The following EPN2 variants were observed in gnomAD, a reference collection of about 807,000 sequenced individuals.
EPN2 encodes the protein epsin-2.
A neutral mutation model predicts 61.7 loss-of-function variants in EPN2; 34 were observed. That is an observed-to-expected ratio of 0.55 (90% CI 0.42 to 0.73). The LOEUF (loss-of-function observed/expected upper bound fraction) is 0.73. Among genes scored for constraint, EPN2 ranks in the 30% least tolerant of loss-of-function variants. The pLI is 0.00. For missense variants in EPN2, 714 were observed against 839.2 expected, an observed-to-expected ratio of 0.85 and a Z score of 1.84; for synonymous variants, 349 against 353.6, an observed-to-expected ratio of 0.99 and a Z score of 0.15.
intron 4 of EPN2, among the ~76,000 whole-genome samples, chr17:19,291,555 A>G (rs989412803): frequency 6.8e-6 from 1 of 146,066 alleles, no homozygotes; most frequent in Non-Finnish European, 1.5e-5. Context: ...CTCCTGCCTC[A>G]GCCTCCTGAG....
chr17:19,241,208 G>T (rs1260066797), intron 1 of EPN2, among the ~76,000 whole-genome samples: 1 of 152,212 alleles, frequency 6.6e-6, no homozygotes, highest in Non-Finnish European at 1.5e-5. Flanking sequence ...TGATTAAGGT[G>T]GTTGAGGATG....
chr17:19,302,283 C>T (rs548441268), intron 4 of EPN2, among the ~76,000 whole-genome samples: 9 of 152,342 alleles, frequency 5.9e-5, no homozygotes, highest in African/African-American at 1.4e-4. Context: ...CCCTGGGAGA[C>T]GGTTTCCCGT....
intron 7 of EPN2, among the ~76,000 whole-genome samples, chr17:19,319,763 T>G (rs1246368316): frequency 6.6e-6 from 1 of 152,156 alleles, no homozygotes; most frequent in Non-Finnish European, 1.5e-5. Flanking sequence ...TTCTCCTGCC[T>G]CAGCCTCCCA....
intron 9 of EPN2, 77 bp downstream of exon 9, chr17:19,329,724 C>G: frequency 1.2e-6 from 1 of 861,750 alleles, no homozygotes; most frequent in East Asian, 2.5e-5. Flanking sequence ...TAATAATCAG[C>G]TTTCAAAACC....
At chr17:19,305,129 T>G (rs1345983496) in intron 4 of EPN2, among the ~76,000 whole-genome samples, 4 of 151,738 alleles carry the variant, frequency 2.6e-5, no homozygotes, top group East Asian at 1.9e-4. Context: ...TTTTTTTTTT[T>G]TTTTTTTTTT....
At chr17:19,261,632 C>T (rs550587377) in intron 1 of EPN2, among the ~76,000 whole-genome samples, 13 of 152,142 alleles carry the variant, frequency 8.5e-5, no homozygotes, top group Non-Finnish European at 1.8e-4. Flanking sequence ...CTTTGGCTTC[C>T]TTCCAGGATT....
intron 1 of EPN2, among the ~76,000 whole-genome samples, chr17:19,269,635 A>T (rs953356226): frequency 4.6e-5 from 7 of 152,228 alleles, no homozygotes; most frequent in Non-Finnish European, 1.0e-4. Flanking sequence ...TCAAGGTAAA[A>T]GTTTCTTTGA....
chr17:19,290,156 T>G (rs868421239), intron 4 of EPN2, among the ~76,000 whole-genome samples: 4 of 152,018 alleles, frequency 2.6e-5, no homozygotes, highest in Admixed American at 2.6e-4. Flanking sequence ...CTCAGGACAG[T>G]TGTGTGTGGG....
At chr17:19,329,760 A>G (rs563521514) in intron 9 of EPN2, 113 bp downstream of exon 9, 2 of 665,782 alleles carry the variant, frequency 3.0e-6, no homozygotes, top group South Asian at 2.1e-5. Flanking sequence ...TTTTCTTTGT[A>G]TTTTGATCTT....
At chr17:19,320,491 G>C (rs1385695617) in intron 7 of EPN2, among the ~76,000 whole-genome samples, 4 of 152,184 alleles carry the variant, frequency 2.6e-5, no homozygotes, top group Non-Finnish European at 4.4e-5. Context: ...TGCACCCAGA[G>C]CTCAGTGTTT....
intron 1 of EPN2, among the ~76,000 whole-genome samples, chr17:19,277,128 C>T (rs368993077): frequency 1.8e-3 from 273 of 152,196 alleles, no homozygotes; most frequent in African/African-American, 6.3e-3. Flanking sequence ...TGCCCGGGCA[C>T]GGTGGCTCAC....
At position 19,335,607 on chromosome 17, in the gene EPN2, G is replaced by C; in HGVS notation, c.*1353G>C. 1.4e-6 allele frequency: 1 copy of C among 714,484 alleles called. No homozygotes were observed. The highest frequency in any genetic ancestry group is 2.1e-6 in the Non-Finnish European group (1 of 468,412). 44.3% of individuals were successfully genotyped at this position (714,484 alleles called of 1,614,324 possible). ...CGGGTCCCTGGGCAACAGTCCCTAGGCTAAGACAGGGGTGGGGGGCTAAGG... is the reference window on the plus strand; with the variant it reads ...CGGGTCCCTGGGCAACAGTCCCTAGCCTAAGACAGGGGTGGGGGGCTAAGG... On this transcript the variant is annotated 3_prime_UTR_variant, in exon 11 of 11. Coordinates refer to ENST00000314728, the MANE Select transcript of EPN2 (RefSeq NM_014964.5).
At chr17:19,287,218 C>G in intron 4 of EPN2, among the ~76,000 whole-genome samples, 1 of 152,022 alleles carries the variant, frequency 6.6e-6, no homozygotes, top group Non-Finnish European at 1.5e-5. Context: ...GTTCTCTCTG[C>G]TTGGATATCG....
chr17:19,330,252 C>T (rs1292345009), intron 9 of EPN2, among the ~76,000 whole-genome samples: 1 of 152,214 alleles, frequency 6.6e-6, no homozygotes, highest in Non-Finnish European at 1.5e-5. Context: ...GTGTGACAGC[C>T]TCTGTCCATC....
intron 7 of EPN2, among the ~76,000 whole-genome samples, chr17:19,322,740 TAAAA>T (rs59626137): frequency 2.9e-5 from 3 of 102,724 alleles, no homozygotes; most frequent in African/African-American, 6.9e-5. Flanking sequence ...AACCTGTCTC[TAAAA>T]AAAAAAAAAA....
intron 4 of EPN2, among the ~76,000 whole-genome samples, chr17:19,288,909 A>C (rs896142468): frequency 5.9e-5 from 9 of 151,820 alleles, no homozygotes; most frequent in Admixed American, 5.9e-4. Flanking sequence ...ACTCACAGTG[A>C]GATGGGGGAA....
intron 1 of EPN2, among the ~76,000 whole-genome samples, chr17:19,240,302 G>A (rs1488303479): frequency 3.9e-5 from 6 of 152,002 alleles, no homozygotes; most frequent in Admixed American, 6.6e-5. Context: ...CTGGAGTGCA[G>A]TGGCGCAATC....
At chr17:19,237,773 C>A (rs1240105612) in intron 1 of EPN2, among the ~76,000 whole-genome samples, 1 of 152,102 alleles carries the variant, frequency 6.6e-6, no homozygotes, top group African/African-American at 2.4e-5. Flanking sequence ...TCCAGCTTTC[C>A]GCTGCAAGGA....
intron 7 of EPN2, among the ~76,000 whole-genome samples, chr17:19,314,396 G>A (rs1477630952): frequency 6.6e-6 from 1 of 152,164 alleles, no homozygotes; most frequent in Non-Finnish European, 1.5e-5. Flanking sequence ...GGCACCAAGA[G>A]GCAGGGAGTT....
Sources: allele counts gnomAD v4.1 joint callset (sites outside exome capture counted in the v4.1 genomes callset), GRCh38; gene constraint gnomAD v4.1.1; transcripts MANE v1.5; gene names NCBI Gene and HGNC (gene_info 2026-07-23, HGNC 2026-07-21).